Variants in ACVR1C observed in about 807,000 individuals in gnomAD.
ACVR1C encodes activin receptor type-1C.
In ACVR1C, 23 loss-of-function variants were observed where a neutral mutation model predicts 57.9. The observed-to-expected ratio is 0.40, with a 90% CI of 0.29 to 0.56. The LOEUF (loss-of-function observed/expected upper bound fraction) is 0.56. Among genes scored for constraint, ACVR1C ranks in the 20% least tolerant of loss-of-function variants. The probability of loss-of-function intolerance (pLI) is 0.50; values close to 1 mark genes in which losing one functional copy is unlikely to be tolerated. For missense variants in ACVR1C, 480 were observed against 607.9 expected (o/e 0.79, Z 2.21); for synonymous variants, 214 against 215.3 (o/e 0.99, Z 0.05).
intron 1 of ACVR1C, among the ~76,000 whole-genome samples, chr2:157,610,226 T>C (rs147941945): frequency 3.3e-5 from 5 of 152,246 alleles, no homozygotes; most frequent in African/African-American, 9.6e-5. Context: ...CCTTGAGCAT[T>C]TCTTAGAGTG....
intron 3 of ACVR1C, among the ~76,000 whole-genome samples, chr2:157,553,324 T>TG (rs1687964998): frequency 6.6e-6 from 1 of 152,040 alleles, no homozygotes; most frequent in Non-Finnish European, 1.5e-5. Context: ...CAACTGGCTT[T>TG]GGGGGAAAAA....
chr2:157,618,967 C>A (rs906393112), intron 1 of ACVR1C, among the ~76,000 whole-genome samples: 3 of 151,734 alleles, frequency 2.0e-5, no homozygotes, highest in Non-Finnish European at 3.0e-5. Context: ...TGTCAACAAT[C>A]CTTTCTCAAT....
chr2:157,556,084 G>A lies in ACVR1C; in HGVS notation c.544+9C>T. The A allele has an allele frequency of 6.2e-7, 1 of 1,610,288 alleles. No homozygotes were observed. Among genetic ancestry groups the A allele is most frequent in the South Asian group, 1.1e-5 (1 of 90,198 alleles). Reference sequence around the variant, plus strand: ...TCTTATTTTAAAAAAATGGACAATGGTAACATACCAGAGCCAGATCCAGAG... The same window carrying A: ...TCTTATTTTAAAAAAATGGACAATGATAACATACCAGAGCCAGATCCAGAG... On this transcript the variant is annotated intron_variant, in intron 3 of 8. Coordinates refer to ENST00000243349, the MANE Select transcript of ACVR1C (RefSeq NM_145259.3).
intron 1 of ACVR1C, among the ~76,000 whole-genome samples, chr2:157,612,611 C>G (rs1031538061): frequency 3.9e-5 from 6 of 152,264 alleles, no homozygotes; most frequent in African/African-American, 1.4e-4. Flanking sequence ...CTGCTGGGGA[C>G]AGGGTTAATT....
chr2:157,564,045 C>T (rs981413362), intron 2 of ACVR1C, among the ~76,000 whole-genome samples: 2 of 152,166 alleles, frequency 1.3e-5, no homozygotes, highest in Non-Finnish European at 2.9e-5. Flanking sequence ...CCATTCAGGA[C>T]ATAGGCATGG....
At chr2:157,620,806 T>C (rs540377274) in intron 1 of ACVR1C, among the ~76,000 whole-genome samples, 1 of 152,242 alleles carries the variant, frequency 6.6e-6, no homozygotes, top group South Asian at 2.1e-4. Context: ...CCTGATGAGT[T>C]AGATTTTTTT....
At chr2:157,578,353 C>T (rs1263355009) in intron 2 of ACVR1C, among the ~76,000 whole-genome samples, 5 of 152,042 alleles carry the variant, frequency 3.3e-5, no homozygotes, top group African/African-American at 1.2e-4. Context: ...ATTCTTTTAC[C>T]CTTCTCCTAG....
intron 1 of ACVR1C, among the ~76,000 whole-genome samples, chr2:157,610,103 C>A (rs1175365149): frequency 2.0e-5 from 3 of 151,988 alleles, no homozygotes; most frequent in Non-Finnish European, 4.4e-5. Context: ...TGAGTTATTT[C>A]TCTTCCAAAT....
At position 157,587,264 on chromosome 2, in the gene ACVR1C, T is replaced by A; in HGVS notation, c.227A>T (p.His76Leu). 6.2e-7 allele frequency: 1 copy of A among 1,613,750 alleles called. No individual in the cohort carries two copies. Among genetic ancestry groups the A allele is most frequent in the South Asian group, 1.1e-5 (1 of 91,078 alleles). The stretch of plus-strand genomic sequence containing the variant: ...GGTTTTGGTAACATTGTTGGAACTA[T>A]GACAGAAGACTTGAGCATTCAGTTC... ...LPELNAQVFC[H>L]SSNNVTKTEC... The change falls in exon 2 of 9, where the codon CAT (histidine) becomes CTT (leucine). Residue 76 changes from histidine to leucine, a missense_variant. Physicochemically the swap from His to Leu is moderately conservative, Grantham distance 99. Coordinates refer to ENST00000243349, the MANE Select transcript of ACVR1C (RefSeq NM_145259.3).
intron 2 of ACVR1C, among the ~76,000 whole-genome samples, chr2:157,576,731 G>T (rs926952062): frequency 2.0e-5 from 3 of 151,354 alleles, no homozygotes; most frequent in African/African-American, 7.3e-5. Flanking sequence ...TGCATAAAAT[G>T]AGATTCCTCC....
At chr2:157,568,620 A>G (rs1443865056) in intron 2 of ACVR1C, among the ~76,000 whole-genome samples, 1 of 82,648 alleles carries the variant, frequency 1.2e-5, no homozygotes, top group African/African-American at 4.8e-5. Flanking sequence ...AAAGAAGGCC[A>G]TTACATAATG....
chr2:157,595,338 C>A (rs994292004), intron 1 of ACVR1C, among the ~76,000 whole-genome samples: 1 of 152,146 alleles, frequency 6.6e-6, no homozygotes, highest in Non-Finnish European at 1.5e-5. Context: ...AGCAGTGTCT[C>A]CAAGGCTGAA....
At position 157,556,187 on chromosome 2, in the gene ACVR1C, A is replaced by G. The variant is rs35529926; in HGVS notation, c.450T>C (p.Asn150=). 2,688 of 1,614,060 alleles carry G rather than the reference A, an allele frequency of 1.7e-3. 22 individuals carry two copies. The African/African-American group carries it at 0.021, about 13-fold the overall frequency. The change falls in exon 3 of 9, where the codon AAT becomes AAC. Residue 150 remains asparagine, a synonymous_variant. Coordinates refer to ENST00000243349, the MANE Select transcript of ACVR1C (RefSeq NM_145259.3). ...QCSYRKKKRP[N]VEEPLSECNL... ...TGCACTCAGAGAGTGGTTCCTCCAC[A>G]TTTGGTCTCTTTTTCTTCCTGTAGG...
At chr2:157,625,979 G>A (rs1254824155) in intron 1 of ACVR1C, among the ~76,000 whole-genome samples, 2 of 152,062 alleles carry the variant, frequency 1.3e-5, no homozygotes, top group African/African-American at 4.8e-5. Context: ...CGTTGCTCTT[G>A]TTTTTAGAGA....
chr2:157,540,524 C>T (rs571596480), intron 7 of ACVR1C, among the ~76,000 whole-genome samples: 6 of 152,110 alleles, frequency 3.9e-5, no homozygotes, highest in African/African-American at 9.6e-5. Context: ...CTCGAACTCC[C>T]GACCTCAGTG....
At chr2:157,536,807 A>C (rs1342689275) in intron 8 of ACVR1C, among the ~76,000 whole-genome samples, 1 of 152,188 alleles carries the variant, frequency 6.6e-6, no homozygotes, top group African/African-American at 2.4e-5. Flanking sequence ...GATTGACATA[A>C]AACAAGACAG....
At chr2:157,543,235 C>T (rs1259601318) in intron 5 of ACVR1C, among the ~76,000 whole-genome samples, 1 of 152,146 alleles carries the variant, frequency 6.6e-6, no homozygotes, top group Non-Finnish European at 1.5e-5. Flanking sequence ...TACCCCACAC[C>T]AGCAGTTCTC....
chr2:157,606,573 A>T (rs942382054), intron 1 of ACVR1C, among the ~76,000 whole-genome samples: 1 of 151,770 alleles, frequency 6.6e-6, no homozygotes, highest in African/African-American at 2.4e-5. Flanking sequence ...CATTTTTTTC[A>T]TACACCTGTT....
rs537202638 is a variant in ACVR1C at position 157,542,465 on chromosome 2, T to C, written c.1100+241A>G. ...AAATAATACACTACTATCTCTTCCA[T>C]CATTTCTCTCCACTGGACTCTGTAC... On this transcript the variant is annotated intron_variant, in intron 6 of 8. Coordinates refer to ENST00000243349, the MANE Select transcript of ACVR1C (RefSeq NM_145259.3). 1.9e-4 allele frequency among the ~76,000 whole-genome samples: 29 copies of C among 152,284 alleles called. 1 individual carries two copies. Among genetic ancestry groups the C allele is most frequent in the South Asian group, 1.2e-3 (6 of 4,832 alleles).
Sources: gnomAD v4.1 joint callset for allele counts (sites outside exome capture counted in the v4.1 genomes callset) on GRCh38, gnomAD v4.1.1 for gene constraint, MANE v1.5 for transcripts, NCBI Gene and HGNC (gene_info 2026-07-23, HGNC 2026-07-21) for gene names.